PMM2: variants seen among roughly 807,000 people sequenced by gnomAD.
PMM2 encodes mannose-6-phosphate isomerase.
A neutral mutation model predicts 33.2 loss-of-function variants in PMM2; 35 were observed. The observed-to-expected ratio is 1.06, with a 90% CI of 0.81 to 1.40. The LOEUF (loss-of-function observed/expected upper bound fraction) is 1.40, where lower values mean the gene tolerates loss of function less well. Ranked by LOEUF, PMM2 falls within the 40% of genes most tolerant of loss-of-function variation. The pLI is 0.00. For missense variants in PMM2, 386 were observed against 306.0 expected (o/e 1.26, Z -1.95); for synonymous variants, 153 against 114.7 (o/e 1.33, Z -2.13).
Position 8,804,075 on chromosome 16 carries a change from G to A in PMM2, c.179-692G>A, listed in dbSNP as rs531647927. Among the ~76,000 whole-genome samples the A allele has an allele frequency of 1.2e-4, 13 of 108,122 alleles. No homozygotes were observed. In the East Asian group the frequency reaches 1.5e-3, roughly 12 times the overall value. 70.9% of individuals were successfully genotyped at this position (108,122 alleles called of 152,430 possible). ...TTGACGTTAGACAGAGTCTTGCACC[G>A]TTGCCGAGGCTGGAGTGCAGTGGCA... On this transcript the variant is annotated intron_variant, in intron 2 of 7. Coordinates refer to ENST00000268261, the MANE Select transcript of PMM2 (RefSeq NM_000303.3).
intron 7 of PMM2, among the ~76,000 whole-genome samples, chr16:8,835,796 G>A (rs938427999): frequency 5.9e-5 from 9 of 151,906 alleles, no homozygotes; most frequent in South Asian, 2.1e-4. Flanking sequence ...GGGTGATTAG[G>A]TTTTAATGAG....
intron 7 of PMM2, among the ~76,000 whole-genome samples, chr16:8,813,857 C>CTTTTTTTTTTTT (rs148507269): frequency 6.7e-5 from 6 of 89,138 alleles, no homozygotes; most frequent in African/African-American, 2.2e-4. Context: ...TTTTCTTTCT[C>CTTTTTTTTTTTT]TTTTTTTTTT....
chr16:8,831,939 A>G (rs1006539820), intron 7 of PMM2, among the ~76,000 whole-genome samples: 2 of 152,044 alleles, frequency 1.3e-5, no homozygotes, highest in Non-Finnish European at 2.9e-5. Flanking sequence ...TCCCTTCTCC[A>G]GGGAACAGGG....
rs117163615 is a variant in PMM2, at chr16:8,830,729, G to T, written c.640-16995G>T. Among the ~76,000 whole-genome samples, 215 of 152,328 alleles carry T rather than the reference G, an allele frequency of 1.4e-3. 2 individuals carry two copies. The East Asian group carries it at 0.034, about 24-fold the overall frequency. ...GACTCTTGCAGCCAGAGGCTCCGTG[G>T]CTCCAAAACCATAATTTCTAATCTT... On this transcript the variant is annotated intron_variant, in intron 7 of 7. Coordinates refer to ENST00000268261, the MANE Select transcript of PMM2 (RefSeq NM_000303.3).
In PMM2 at chr16:8,812,986, G is replaced by T. The variant is rs373584132; in HGVS notation, c.524-5G>T. On this transcript the variant is annotated splice_region_variant and splice_polypyrimidine_tract_variant and intron_variant, in intron 6 of 7. Coordinates refer to ENST00000268261, the MANE Select transcript of PMM2 (RefSeq NM_000303.3). ...GCCTTTGTGTGCCCCGTCCCCACCCGGCAGGAGGCCAGATCAGCTTTGATG... is the reference window on the plus strand; with the variant it reads ...GCCTTTGTGTGCCCCGTCCCCACCCTGCAGGAGGCCAGATCAGCTTTGATG... 6.4e-7 allele frequency: 1 copy of T among 1,571,156 alleles called. No individual in the cohort carries two copies. Among genetic ancestry groups the T allele is most frequent in the Non-Finnish European group, 8.8e-7 (1 of 1,140,714 alleles).
At chr16:8,820,058 C>T (rs978361596) in intron 7 of PMM2, among the ~76,000 whole-genome samples, 4 of 152,132 alleles carry the variant, frequency 2.6e-5, no homozygotes, top group South Asian at 2.1e-4. Flanking sequence ...ATTAGCTGGG[C>T]GTGGTGGCGC....
At chr16:8,831,384 A>G (rs1387203891) in intron 7 of PMM2, among the ~76,000 whole-genome samples, 2 of 152,108 alleles carry the variant, frequency 1.3e-5, no homozygotes, top group African/African-American at 4.8e-5. Context: ...CATAGCAAGA[A>G]TCGACTATAA....
chr16:8,805,982 T>C (rs2060645725), intron 3 of PMM2, among the ~76,000 whole-genome samples: 2 of 152,190 alleles, frequency 1.3e-5, no homozygotes, highest in African/African-American at 2.4e-5. Flanking sequence ...GGAACAAATA[T>C]ATTGTCTGTC....
chr16:8,815,571 GAC>G (rs1308359377), intron 7 of PMM2, among the ~76,000 whole-genome samples: 2 of 124,720 alleles, frequency 1.6e-5, no homozygotes, highest in African/African-American at 5.5e-5. Flanking sequence ...TCTGTCAGTA[GAC>G]ACATGAGTTG....
At chr16:8,827,843 TATATA>T (rs1286674070) in intron 7 of PMM2, among the ~76,000 whole-genome samples, 1,814 of 72,244 alleles carry the variant, frequency 0.025, 46 homozygotes, top group African/African-American at 0.043. Flanking sequence ...TATTGTATAA[TATATA>T]ATATATATGT....
intron 1 of PMM2, among the ~76,000 whole-genome samples, chr16:8,801,470 A>C (rs917902829): frequency 6.6e-6 from 1 of 152,174 alleles, no homozygotes; most frequent in Admixed American, 6.5e-5. Flanking sequence ...CAGGAGTTCC[A>C]GACTGGCCTG....
intron 7 of PMM2, among the ~76,000 whole-genome samples, chr16:8,827,332 GAA>G (rs1163494929): frequency 4.5e-5 from 6 of 133,888 alleles, no homozygotes; most frequent in African/African-American, 1.6e-4. Flanking sequence ...ATTCCTCGAA[GAA>G]AAAAAAAAAA....
intron 2 of PMM2, 99 bp downstream of exon 2, chr16:8,802,009 A>C: frequency 1.2e-6 from 1 of 829,912 alleles, no homozygotes; most frequent in Non-Finnish European, 2.0e-6. Flanking sequence ...TTGTCCCCAT[A>C]TGGCGGGCTT....
At chr16:8,797,973 G>A (rs773725173) in intron 1 of PMM2, 25 bp downstream of exon 1, 2 of 1,579,666 alleles carry the variant, frequency 1.3e-6, no homozygotes, top group Non-Finnish European at 1.7e-6. Flanking sequence ...GCGGGCTGCT[G>A]GCAGCCGACG....
At chr16:8,812,180 G>A (rs546040482) in intron 6 of PMM2, among the ~76,000 whole-genome samples, 1 of 152,170 alleles carries the variant, frequency 6.6e-6, no homozygotes, top group South Asian at 2.1e-4. Context: ...TACAGATCAA[G>A]AAACTGAGGC....
intron 7 of PMM2, among the ~76,000 whole-genome samples, chr16:8,831,926 C>G (rs1264870628): frequency 6.6e-6 from 1 of 152,192 alleles, no homozygotes; most frequent in Non-Finnish European, 1.5e-5. Context: ...CTCCCCCCTT[C>G]CCTCCCTTCT....
intron 7 of PMM2, among the ~76,000 whole-genome samples, chr16:8,839,416 T>C (rs970283736): frequency 6.6e-6 from 1 of 151,736 alleles, no homozygotes; most frequent in African/African-American, 2.4e-5. Flanking sequence ...CTGTCAGAGG[T>C]TGTAATGGGG....
chr16:8,846,347 C>T (rs192512815), intron 7 of PMM2, among the ~76,000 whole-genome samples: 76 of 152,254 alleles, frequency 5.0e-4, no homozygotes, highest in African/African-American at 1.7e-3. Flanking sequence ...TGAGAAAAAT[C>T]CCTTTTTTCT....
chr16:8,840,080 G>A (rs1396854714), intron 7 of PMM2, among the ~76,000 whole-genome samples: 3 of 151,754 alleles, frequency 2.0e-5, no homozygotes, highest in East Asian at 3.9e-4. Flanking sequence ...GGGGACAGCT[G>A]TGTAGGCACT....
Sources: gnomAD v4.1 joint callset for allele counts (sites outside exome capture counted in the v4.1 genomes callset) on GRCh38, gnomAD v4.1.1 for gene constraint, MANE v1.5 for transcripts, NCBI Gene and HGNC (gene_info 2026-07-23, HGNC 2026-07-21) for gene names.